TBC1D5: variants seen among roughly 807,000 people sequenced by gnomAD.
The protein encoded by TBC1D5 is TBC1 domain family member 5, also known as TBC1 domain family, member 5.
In TBC1D5, 75 loss-of-function variants were observed where a neutral mutation model predicts 100.3. The observed-to-expected ratio is 0.75, with a 90% CI of 0.62 to 0.91. The LOEUF is 0.91. Ranked by LOEUF, TBC1D5 falls within the 40% of genes least tolerant of loss-of-function variation. TBC1D5 has a pLI of 0.00. For missense variants in TBC1D5, 910 were observed against 942.4 expected (o/e 0.97, Z 0.45); for synonymous variants, 323 against 325.6 (o/e 0.99, Z 0.09).
intron 15 of TBC1D5, among the ~76,000 whole-genome samples, chr3:17,276,484 GACA>G (rs2080027708): frequency 6.6e-6 from 1 of 152,210 alleles, no homozygotes; most frequent in African/African-American, 2.4e-5. Context: ...CTGAGAAAGA[GACA>G]AGAGACATGC....
chr3:17,273,761 C>T (rs541170530), intron 15 of TBC1D5, among the ~76,000 whole-genome samples: 4 of 149,122 alleles, frequency 2.7e-5, no homozygotes, highest in African/African-American at 5.0e-5. Context: ...GAGCTGAGAT[C>T]GCGCCACTGC....
intron 3 of TBC1D5, among the ~76,000 whole-genome samples, chr3:17,483,919 C>T (rs1384022659): frequency 1.3e-5 from 2 of 152,096 alleles, no homozygotes; most frequent in Non-Finnish European, 2.9e-5. Context: ...TTATTTAGTT[C>T]TTAAAATTGG....
intron 1 of TBC1D5, among the ~76,000 whole-genome samples, chr3:17,659,682 A>T (rs2066459210): frequency 6.6e-6 from 1 of 152,184 alleles, no homozygotes. Context: ...ACATGCAAAC[A>T]AATACTACCA....
At chr3:17,160,070 T>C (rs879346354) in exon 22 of TBC1D5, 3 of 152,212 alleles carry the variant, frequency 2.0e-5, no homozygotes, top group African/African-American at 7.2e-5. Flanking sequence ...AAGATGTTTA[T>C]CCCATAAAGT....
rs563084529 is a variant in TBC1D5 at position 17,359,804 on chromosome 3, T to C, written c.995+12271A>G. ...ATAGAAAAGAGCTTATTAGAGCAAT[T>C]AGCTCTAGATATTCAATTTGCCTCT... On this transcript the variant is annotated intron_variant, in intron 13 of 21. Coordinates refer to ENST00000253692, the Ensembl canonical transcript of TBC1D5. 2.6e-5 allele frequency among the ~76,000 whole-genome samples: 4 copies of C among 152,098 alleles called. No homozygotes were observed. In the East Asian group the frequency reaches 7.7e-4, roughly 29 times the overall value.
chr3:17,365,986 G>A lies in TBC1D5; in HGVS notation c.995+6089C>T, dbSNP rs75337524. Among the ~76,000 whole-genome samples, 1,149 of 152,216 alleles carry A rather than the reference G, an allele frequency of 7.5e-3. 15 individuals carry two copies. The highest frequency in any genetic ancestry group is 0.027 in the African/African-American group (1,103 of 41,542). On this transcript the variant is annotated intron_variant, in intron 13 of 21. Transcript: ENST00000253692. ...AGTACCTATTTCTATGTGTTATTAG[G>A]TTAAATAAGATAAAGCCTTTTGGCC...
chr3:17,166,126 A>G (rs1017015268), intron 21 of TBC1D5, among the ~76,000 whole-genome samples: 1 of 152,150 alleles, frequency 6.6e-6, no homozygotes, highest in South Asian at 2.1e-4. Flanking sequence ...CTGTTTTTGC[A>G]TGGCCCCCAA....
intron 8 of TBC1D5, among the ~76,000 whole-genome samples, chr3:17,401,569 G>C (rs903874709): frequency 6.6e-6 from 1 of 152,082 alleles, no homozygotes; most frequent in East Asian, 1.9e-4. Flanking sequence ...GGCTATCAGA[G>C]GTTTATTTTC....
At chr3:17,708,183 G>A (rs951662341) in intron 1 of TBC1D5, among the ~76,000 whole-genome samples, 1 of 152,150 alleles carries the variant, frequency 6.6e-6, no homozygotes, top group Admixed American at 6.5e-5. Context: ...TTAAATAACA[G>A]AATGTGTTTC....
intron 15 of TBC1D5, among the ~76,000 whole-genome samples, chr3:17,274,543 T>C (rs1559531713): frequency 6.6e-6 from 1 of 152,222 alleles, no homozygotes; most frequent in Non-Finnish European, 1.5e-5. Context: ...CTGGCTGGAT[T>C]TCTCCAGATA....
At chr3:17,380,039 CTGTGTATG>C (rs1324368397) in intron 9 of TBC1D5, among the ~76,000 whole-genome samples, 6,913 of 100,040 alleles carry the variant, frequency 0.069, 215 homozygotes, top group Admixed American at 0.083. Flanking sequence ...ACAGCTGTGA[CTGTGTATG>C]TGTGTGTGTG....
rs540964570 is a variant in TBC1D5, at chr3:17,713,311, A to G, written c.-101+26032T>C. Among the ~76,000 whole-genome samples the G allele has an allele frequency of 3.3e-3, 480 of 147,680 alleles. 1 individual carries two copies. The highest frequency in any genetic ancestry group is 0.011 in the African/African-American group (455 of 39,876). On this transcript the variant is annotated intron_variant, in intron 1 of 21. Coordinates refer to ENST00000253692, the Ensembl canonical transcript of TBC1D5. ...GGCTGGAGTGCAGTGGCGCGATCTC[A>G]GCTTACTGCAAGCTCCGCCTCCAGG...
intron 2 of TBC1D5, among the ~76,000 whole-genome samples, chr3:17,613,999 T>C (rs1419060114): frequency 6.6e-6 from 1 of 152,258 alleles, no homozygotes; most frequent in Non-Finnish European, 1.5e-5. Context: ...AGGTTTTTTC[T>C]AGAGTTTTTA....
chr3:17,671,272 G>C (rs577426996), intron 1 of TBC1D5, among the ~76,000 whole-genome samples: 2 of 152,286 alleles, frequency 1.3e-5, no homozygotes, highest in South Asian at 4.1e-4. Context: ...TCAAGTTTGA[G>C]GGTGCTCGTG....
At chr3:17,721,244 T>C (rs1184314634) in intron 1 of TBC1D5, among the ~76,000 whole-genome samples, 2 of 152,216 alleles carry the variant, frequency 1.3e-5, no homozygotes, top group Non-Finnish European at 2.9e-5. Flanking sequence ...TAGAAATAAG[T>C]ATTCTTAAAC....
At chr3:17,244,655 A>G (rs746727957) in intron 16 of TBC1D5, among the ~76,000 whole-genome samples, 3 of 152,164 alleles carry the variant, frequency 2.0e-5, no homozygotes, top group African/African-American at 4.8e-5. Flanking sequence ...CACTAAACAT[A>G]TATCTATGTA....
intron 2 of TBC1D5, among the ~76,000 whole-genome samples, chr3:17,552,767 A>G (rs113889688): frequency 2.0e-5 from 3 of 152,158 alleles, no homozygotes; most frequent in African/African-American, 7.2e-5. Context: ...TGACATTTAA[A>G]CAGAGTTGAG....
chr3:17,490,986 G>C (rs2095633361), intron 3 of TBC1D5, among the ~76,000 whole-genome samples: 1 of 152,004 alleles, frequency 6.6e-6, no homozygotes, highest in Non-Finnish European at 1.5e-5. Context: ...TGATTTCCTT[G>C]AGCAGTGGCT....
intron 2 of TBC1D5, among the ~76,000 whole-genome samples, chr3:17,549,382 G>A (rs2096452156): frequency 6.6e-6 from 1 of 151,920 alleles, no homozygotes; most frequent in South Asian, 2.1e-4. Flanking sequence ...GCAGAGAATT[G>A]GTATTTCTTC....
Sources: gnomAD v4.1 joint callset for allele counts (sites outside exome capture counted in the v4.1 genomes callset) on GRCh38, gnomAD v4.1.1 for gene constraint, MANE v1.5 for transcripts, NCBI Gene and HGNC (gene_info 2026-07-23, HGNC 2026-07-21) for gene names.